Variants in HOTAIR observed in about 807,000 individuals in gnomAD.
HOTAIR encodes HOX transcript antisense RNA (non-protein coding).
intron 1 of HOTAIR, among the ~76,000 whole-genome samples, chr12:53,969,743 A>G (rs1239827945): frequency 6.6e-6 from 1 of 152,224 alleles, no homozygotes; most frequent in Non-Finnish European, 1.5e-5. Flanking sequence ...CTCTCCGCTT[A>G]TCTTTTTATT....
rs1341951267 is a variant in HOTAIR at position 53,973,362 on chromosome 12, A to G, written n.59+1536T>C. 1.2e-6 allele frequency: 2 copies of G among 1,613,756 alleles called. No homozygotes were observed. Among genetic ancestry groups the G allele is most frequent in the Admixed American group, 1.7e-5 (1 of 59,998 alleles). On this transcript the variant is annotated intron_variant and non_coding_transcript_variant, in intron 1 of 6. Transcript: ENST00000424518. The surrounding 1 kb of genome is among the most constrained non-coding windows in gnomAD (Gnocchi z 4.3). ...CTATCTGCCCAGTTGCACTTACTACATGCCCGAGTTCTCCACGGTCTCCTC... is the reference window on the plus strand; with the variant it reads ...CTATCTGCCCAGTTGCACTTACTACGTGCCCGAGTTCTCCACGGTCTCCTC...
Position 53,973,388 on chromosome 12 carries a change from C to A in HOTAIR, n.59+1510G>T, listed in dbSNP as rs1221006527. ...TGCCCGAGTTCTCCACGGTCTCCTCCTTCCTGCCCCAGGCCCCCTCTCGTC... is the reference window on the plus strand; with the variant it reads ...TGCCCGAGTTCTCCACGGTCTCCTCATTCCTGCCCCAGGCCCCCTCTCGTC... On this transcript the variant is annotated intron_variant and non_coding_transcript_variant, in intron 1 of 6. Transcript: ENST00000424518. This position sits in a 1 kb window ranked among gnomAD's most constrained non-coding sequence, Gnocchi z 4.3. 9.9e-6 allele frequency: 16 copies of A among 1,614,226 alleles called. No homozygotes were observed. The highest frequency in any genetic ancestry group is 1.4e-5 in the Non-Finnish European group (16 of 1,180,048).
exon 5 of HOTAIR, chr12:53,965,966 T>C (rs1939045593): frequency 6.6e-6 from 1 of 152,104 alleles, no homozygotes; most frequent in Non-Finnish European, 1.5e-5. Context: ...CATCGTACCT[T>C]ATAAGGAAGG....
chr12:53,967,270 T>C (rs1222809808), exon 3 of HOTAIR: 2 of 152,008 alleles, frequency 1.3e-5, no homozygotes, highest in African/African-American at 4.8e-5. Flanking sequence ...CCACTTTACC[T>C]TTCTGATTGA....
intron 1 of HOTAIR, among the ~76,000 whole-genome samples, chr12:53,972,761 G>T (rs2136374878): frequency 6.6e-6 from 1 of 152,204 alleles, no homozygotes; most frequent in Non-Finnish European, 1.5e-5. Flanking sequence ...CACCCTCCTG[G>T]TGCTGCTCAC....
exon 2 of HOTAIR, chr12:53,968,657 C>T (rs1939096280): frequency 6.6e-6 from 1 of 152,420 alleles, no homozygotes; most frequent in Non-Finnish European, 1.5e-5. Flanking sequence ...TCGGATCAAG[C>T]TCCAGAGCAC....
In HOTAIR at chr12:53,962,411, A is replaced by T. The variant is rs370220472; in HGVS notation, n.2318T>A. ...TGAGTCTATTTAGCTACATGTGAGT[A>T]TATACTCCATAAGGCATATAAAACC... On this transcript the variant is annotated non_coding_transcript_exon_variant, in exon 7 of 7. Transcript: ENST00000424518. 2.6e-5 allele frequency: 4 copies of T among 152,382 alleles called. No individual in the cohort carries two copies. In the South Asian group the frequency reaches 6.2e-4, roughly 24 times the overall value. 9.4% of individuals were successfully genotyped at this position (152,382 alleles called of 1,614,324 possible).
At chr12:53,964,594 A>G (rs1332373719) in intron 5 of HOTAIR, among the ~76,000 whole-genome samples, 2 of 152,226 alleles carry the variant, frequency 1.3e-5, no homozygotes, top group Non-Finnish European at 2.9e-5. Flanking sequence ...CCCTGACTAC[A>G]CAGTGGTATT....
chr12:53,965,438 T>G (rs989709678), intron 5 of HOTAIR, among the ~76,000 whole-genome samples: 1 of 152,220 alleles, frequency 6.6e-6, no homozygotes, highest in Non-Finnish European at 1.5e-5. Flanking sequence ...AAGTGAAGCC[T>G]CTTTTGATCC....
At chr12:53,972,585 A>G (rs1441659433) in intron 1 of HOTAIR, among the ~76,000 whole-genome samples, 2 of 152,226 alleles carry the variant, frequency 1.3e-5, no homozygotes, top group Admixed American at 6.5e-5. Context: ...GACTCCAGAA[A>G]GGTAGTCTTG....
In HOTAIR at chr12:53,973,179, AT is replaced by A; in HGVS notation, n.59+1718del. The A allele has an allele frequency of 2.9e-6, 4 of 1,374,300 alleles. No individual in the cohort carries two copies. The highest frequency in any genetic ancestry group is 2.8e-5 in the South Asian group (2 of 71,716). 85.1% of individuals were successfully genotyped at this position (1,374,300 alleles called of 1,614,324 possible). On this transcript the variant is annotated intron_variant and non_coding_transcript_variant, in intron 1 of 6. Coordinates refer to ENST00000424518, the Ensembl canonical transcript of HOTAIR. This position sits in a 1 kb window ranked among gnomAD's most constrained non-coding sequence, Gnocchi z 4.3. ...ATAACGCGTCATCTCGCCTTCCCAA[AT>A]TTTCCCCCCTCGCTAGACCGGGTCC...
chr12:53,969,797 T>G (rs1226087293), intron 1 of HOTAIR, among the ~76,000 whole-genome samples: 1 of 152,190 alleles, frequency 6.6e-6, no homozygotes, highest in Non-Finnish European at 1.5e-5. Context: ...CACTGGAGCA[T>G]ATGTGGGCCC....
At chr12:53,963,575 A>T (rs569944537) in exon 7 of HOTAIR, 15 of 152,428 alleles carry the variant, frequency 9.8e-5, no homozygotes, top group African/African-American at 3.4e-4. Flanking sequence ...GAATCAATTA[A>T]TTAGCGCCTC....
chr12:53,963,711 C>G (rs1838169), exon 7 of HOTAIR: 54,954 of 152,148 alleles, frequency 0.36, 10,193 homozygotes, highest in African/African-American at 0.44. Context: ...AGCAAGGAAG[C>G]CCCGGTGGCC....
At chr12:53,971,598 C>T (rs564608624) in intron 1 of HOTAIR, among the ~76,000 whole-genome samples, 4 of 152,304 alleles carry the variant, frequency 2.6e-5, no homozygotes, top group Admixed American at 6.5e-5. Flanking sequence ...AAAGAGAGTT[C>T]GGGCTATTTT....
chr12:53,970,067 T>C (rs1244323947), intron 1 of HOTAIR, among the ~76,000 whole-genome samples: 1 of 152,232 alleles, frequency 6.6e-6, no homozygotes, highest in Non-Finnish European at 1.5e-5. Flanking sequence ...TTGGTCCAGC[T>C]ACCTGGACAG....
chr12:53,969,068 C>T (rs1459722314), intron 1 of HOTAIR, among the ~76,000 whole-genome samples: 6 of 152,204 alleles, frequency 3.9e-5, no homozygotes, highest in African/African-American at 7.2e-5. Context: ...ATCAGGGCTC[C>T]GGCCAACCCG....
rs1462105377 is a variant in HOTAIR, at chr12:53,973,904, G to A, written n.59+994C>T. 8.3e-6 allele frequency: 12 copies of A among 1,445,058 alleles called. No individual in the cohort carries two copies. Among genetic ancestry groups the A allele is most frequent in the African/African-American group, 1.4e-5 (1 of 69,140 alleles). 89.5% of individuals were successfully genotyped at this position (1,445,058 alleles called of 1,614,324 possible). A position where few individuals can be genotyped will look rare whatever the true frequency, so the allele number is the denominator to read the frequency against. ...CAGCCCACTCCGTGGCCAAGGAGCC[G>A]GCCAAAGGAGCCGCCCCCAGTAGGT... On this transcript the variant is annotated intron_variant and non_coding_transcript_variant, in intron 1 of 6. Transcript: ENST00000424518. The surrounding 1 kb of genome is among the most constrained non-coding windows in gnomAD (Gnocchi z 4.3).
intron 1 of HOTAIR, among the ~76,000 whole-genome samples, chr12:53,972,368 A>G (rs1939161741): frequency 6.6e-6 from 1 of 152,214 alleles, no homozygotes; most frequent in African/African-American, 2.4e-5. Flanking sequence ...CATACTAAAT[A>G]TTTAACACAA....
Sources: gnomAD v4.1 joint callset for allele counts (sites outside exome capture counted in the v4.1 genomes callset) on GRCh38, gnomAD v4.1.1 for gene constraint, Gnocchi (gnomAD v3.1) non-coding constraint, MANE v1.5 for transcripts, NCBI Gene and HGNC (gene_info 2026-07-23, HGNC 2026-07-21) for gene names.